Variants in ZFHX3 observed in about 807,000 individuals in gnomAD.
The protein encoded by ZFHX3 is zinc finger homeobox 3.
In ZFHX3, 42 loss-of-function variants were observed where a neutral mutation model predicts 279.1. The ratio of observed to expected loss-of-function variants is 0.15; its 90% confidence interval spans 0.12 to 0.19. The LOEUF is 0.19. Ranked by LOEUF, ZFHX3 falls within the 10% of genes least tolerant of loss-of-function variation. The probability of loss-of-function intolerance (pLI) is 1.00; values close to 1 mark genes in which losing one functional copy is unlikely to be tolerated. For missense variants in ZFHX3, 4,981 were observed against 4,754.0 expected (o/e 1.05, Z -1.40); for synonymous variants, 2,293 against 1,957.8 (o/e 1.17, Z -4.52).
At chr16:73,443,610 C>T (rs2018133793) in intron 3 of ZFHX3, among the ~76,000 whole-genome samples, 1 of 152,176 alleles carries the variant, frequency 6.6e-6, no homozygotes, top group African/African-American at 2.4e-5. Flanking sequence ...GACTTTGGTG[C>T]ATTCCTTCTC....
At chr16:72,923,450 G>GAAA (rs34096322) in intron 3 of ZFHX3, among the ~76,000 whole-genome samples, 1 of 86,096 alleles carries the variant, frequency 1.2e-5, no homozygotes. Context: ...TCTCAGACCA[G>GAAA]AAAAAAAAAA....
intron 3 of ZFHX3, among the ~76,000 whole-genome samples, chr16:72,911,975 G>A (rs1423343520): frequency 6.6e-6 from 1 of 152,224 alleles, no homozygotes; most frequent in East Asian, 1.9e-4. Flanking sequence ...CGGTAATGTA[G>A]ACGCTGTCTA....
intron 2 of ZFHX3, among the ~76,000 whole-genome samples, chr16:73,483,860 A>G (rs1194623385): frequency 6.6e-6 from 1 of 151,740 alleles, no homozygotes; most frequent in Non-Finnish European, 1.5e-5. Flanking sequence ...GTCACAAATA[A>G]TAATACCAAG....
At chr16:73,366,152 G>C (rs1356712928) in intron 3 of ZFHX3, among the ~76,000 whole-genome samples, 1 of 152,202 alleles carries the variant, frequency 6.6e-6, no homozygotes, top group African/African-American at 2.4e-5. Flanking sequence ...AGGTTTGGCA[G>C]CTTGAGTAGG....
At chr16:73,640,934 T>C (rs1346086076) in intron 2 of ZFHX3, among the ~76,000 whole-genome samples, 1 of 152,168 alleles carries the variant, frequency 6.6e-6, no homozygotes, top group Non-Finnish European at 1.5e-5. Flanking sequence ...GAGAGGCTTC[T>C]AGATGTTTCC....
At chr16:73,757,460 T>C (rs1430887826) in intron 1 of ZFHX3, among the ~76,000 whole-genome samples, 1 of 152,228 alleles carries the variant, frequency 6.6e-6, no homozygotes, top group East Asian at 1.9e-4. Context: ...TTCAGTTTTT[T>C]CGTCTATGAA....
chr16:73,474,384 G>C (rs2018728572), intron 2 of ZFHX3, among the ~76,000 whole-genome samples: 2 of 152,128 alleles, frequency 1.3e-5, no homozygotes, highest in South Asian at 4.1e-4. Flanking sequence ...CCTGACCTCA[G>C]GTGATCCACC....
Position 72,958,798 on chromosome 16 carries a change from C to A in ZFHX3, c.1348G>T (p.Asp450Tyr). The change falls in exon 2 of 10, where the codon GAT becomes TAT. Residue 450 changes from aspartate (D) to tyrosine (Y), a missense_variant. Physicochemically the swap from Asp to Tyr is radical, Grantham distance 160. Around this residue, in one of 7 missense-constraint regions of ZFHX3, gnomAD observed 1,068 missense variants for 935.2 expected, o/e 1.14. Coordinates refer to ENST00000268489, the MANE Select transcript of ZFHX3 (RefSeq NM_006885.4). ...GGCTCTACCTTCTCAGAGAAGCAAT[C>A]CCCGTCGCCCACTTCCTGCTTCTCT... is the stretch of plus-strand genomic sequence containing the variant. The part of the protein sequence containing the change: ...EGEKQEVGDG[D>Y]CFSEKVEPAE... 3 of 1,614,152 alleles carry A rather than the reference C, an allele frequency of 1.9e-6. No individual in the cohort carries two copies. The highest frequency in any genetic ancestry group is 2.5e-6 in the Non-Finnish European group (3 of 1,180,038).
At chr16:73,193,258 C>A (rs951734493) in intron 5 of ZFHX3, among the ~76,000 whole-genome samples, 4 of 152,170 alleles carry the variant, frequency 2.6e-5, no homozygotes, top group Non-Finnish European at 4.4e-5. Flanking sequence ...AGTCTTGTGA[C>A]CCTCACTCAG....
intron 1 of ZFHX3, among the ~76,000 whole-genome samples, chr16:73,805,978 G>C (rs982912236): frequency 5.3e-5 from 8 of 152,184 alleles, no homozygotes; most frequent in Non-Finnish European, 8.8e-5. Flanking sequence ...AAAGAAAAGA[G>C]ATTTAATTGA....
chr16:73,139,127 G>A (rs1433495695), intron 6 of ZFHX3, among the ~76,000 whole-genome samples: 2 of 152,178 alleles, frequency 1.3e-5, no homozygotes, highest in African/African-American at 4.8e-5. Context: ...TAAGCACAAA[G>A]ATGTCCATCA....
chr16:72,854,736 C>A (rs1404886785), intron 4 of ZFHX3, among the ~76,000 whole-genome samples: 2 of 151,882 alleles, frequency 1.3e-5, no homozygotes, highest in East Asian at 1.9e-4. Flanking sequence ...ACTGACAGAT[C>A]AGCAAAACAA....
intron 3 of ZFHX3, among the ~76,000 whole-genome samples, chr16:73,385,392 T>G (rs1411305298): frequency 6.6e-6 from 1 of 152,162 alleles, no homozygotes; most frequent in South Asian, 2.1e-4. Flanking sequence ...AGGAGGAGCA[T>G]GAATAAACGG....
At chr16:73,262,626 G>A (rs114082705) in intron 4 of ZFHX3, among the ~76,000 whole-genome samples, 1 of 152,156 alleles carries the variant, frequency 6.6e-6, no homozygotes, top group South Asian at 2.1e-4. Flanking sequence ...TCAACCAGAA[G>A]CAGATTTGGC....
In ZFHX3 at chr16:72,788,445, G is replaced by T. The variant is rs369645630; in HGVS notation, c.9831C>A (p.Pro3277=). The T allele has an allele frequency of 1.2e-6, 2 of 1,614,240 alleles. No homozygotes were observed. The highest frequency in any genetic ancestry group is 1.7e-6 in the Non-Finnish European group (2 of 1,180,038). The change falls in exon 10 of 10, where the codon CCC becomes CCA. Residue 3277 remains proline (P), a synonymous_variant. Transcript: ENST00000268489. ...CAGGGTCTACCGCATACTCCATGGT[G>T]GGCAGCGGGGCTGAGATCGTGGCTG... ...ATAATISAPL[P]TMEYAVDPAQ...
At position 72,796,986 on chromosome 16, in the gene ZFHX3, C is replaced by T. The variant is rs945894982; in HGVS notation, c.5696G>A (p.Gly1899Glu). ...SQRERDSAEGGEGNTGPKETL... is the reference protein window; with the variant it reads ...SQRERDSAEGEEGNTGPKETL... ...TTCCTTCGGACCGGTGTTGCCCTCT[C>T]CCCCCTCGGCGCTGTCCCTCTCTCT... Residue 1899 changes from glycine (G) to glutamate (E), a missense_variant, in exon 9 of 10, where the codon GGA becomes GAA. Around this residue, in one of 7 missense-constraint regions of ZFHX3, gnomAD observed 1,751 missense variants for 1,770.0 expected, o/e 0.99. Coordinates refer to ENST00000268489, the MANE Select transcript of ZFHX3 (RefSeq NM_006885.4). The T allele has an allele frequency of 1.2e-6, 2 of 1,613,994 alleles. No homozygotes were observed. The highest frequency in any genetic ancestry group is 1.6e-4 in the Middle Eastern group (1 of 6,062).
chr16:73,532,311 T>C (rs1914337), intron 2 of ZFHX3, among the ~76,000 whole-genome samples: 110,282 of 152,048 alleles, frequency 0.73, 41,386 homozygotes, highest in African/African-American at 0.92. Flanking sequence ...GGGGAGACCC[T>C]TTTCGTTTGG....
chr16:73,784,778 TAACAA>T (rs1340843613), intron 1 of ZFHX3, among the ~76,000 whole-genome samples: 3 of 99,248 alleles, frequency 3.0e-5, no homozygotes, highest in Admixed American at 9.3e-5. Context: ...AAACTATTTT[TAACAA>T]AATAAAAAAA....
At chr16:73,451,373 G>A (rs2143559576) in intron 3 of ZFHX3, among the ~76,000 whole-genome samples, 1 of 152,288 alleles carries the variant, frequency 6.6e-6, no homozygotes, top group East Asian at 1.9e-4. Flanking sequence ...TTGAATTGAG[G>A]TGACTATTAG....
Sources: gnomAD v4.1 joint callset for allele counts (sites outside exome capture counted in the v4.1 genomes callset) on GRCh38, gnomAD v4.1.1 for gene constraint, gnomAD v4.1.1 regional missense constraint, MANE v1.5 for transcripts, NCBI Gene and HGNC (gene_info 2026-07-23, HGNC 2026-07-21) for gene names.